TEC: variants seen among roughly 807,000 people sequenced by gnomAD.
The protein encoded by TEC is tec protein tyrosine kinase, also known as tyrosine-protein kinase Tec.
Under a neutral mutation model 93.0 loss-of-function variants are expected in TEC, and 72 were observed. The ratio of observed to expected loss-of-function variants is 0.77; its 90% CI spans 0.64 to 0.94. TEC has a LOEUF of 0.94. Among genes scored for constraint, TEC ranks in the 40% least tolerant of loss-of-function variants. TEC has a pLI of 0.00. For missense variants in TEC, 630 were observed against 757.9 expected, an observed-to-expected ratio of 0.83 and a Z score of 1.98; for synonymous variants, 249 against 247.7, an observed-to-expected ratio of 1.01 and a Z score of -0.05.
chr4:48,188,810 A>T (rs1721988737), intron 2 of TEC, among the ~76,000 whole-genome samples: 1 of 152,204 alleles, frequency 6.6e-6, no homozygotes, highest in Non-Finnish European at 1.5e-5. Flanking sequence ...CTTTAAAGAA[A>T]ATGTTTTCTT....
intron 5 of TEC, among the ~76,000 whole-genome samples, chr4:48,169,365 AC>A (rs1721009848): frequency 6.6e-6 from 1 of 151,810 alleles, no homozygotes; most frequent in South Asian, 2.1e-4. Context: ...CTAATACCAA[AC>A]CTTAAGACAT....
At chr4:48,163,367 C>T (rs1188460782) in intron 8 of TEC, among the ~76,000 whole-genome samples, 1 of 152,162 alleles carries the variant, frequency 6.6e-6, no homozygotes, top group Non-Finnish European at 1.5e-5. Flanking sequence ...AACATTTCCA[C>T]TCTGGAAACT....
rs1246771199 is a variant in TEC, at chr4:48,225,793, G to A, written c.138+2684C>T. Among the ~76,000 whole-genome samples, 9 of 151,794 alleles carry A rather than the reference G, an allele frequency of 5.9e-5. No individual in the cohort carries two copies. In the East Asian group the frequency reaches 1.2e-3, roughly 20 times the overall value. ...TCTGTGACCACATTTCAAGGCATAG[G>A]TCACAAGTATGCCAGTGAATGTTGG... On this transcript the variant is annotated intron_variant, in intron 2 of 17. Transcript: ENST00000381501.
At position 48,262,201 on chromosome 4, in the gene TEC, C is replaced by CTTTTTTTTTTTTTTTTTTTT. The variant is rs10659576; in HGVS notation, c.-46+7550_-46+7551insAAAAAAAAAAAAAAAAAAAA. Among the ~76,000 whole-genome samples, 172 of 80,194 alleles carry CTTTTTTTTTTTTTTTTTTTT rather than the reference C, an allele frequency of 2.1e-3. 33 individuals carry two copies. Among genetic ancestry groups the CTTTTTTTTTTTTTTTTTTTT allele is most frequent in the East Asian group, 4.4e-3 (9 of 2,054 alleles). The allele number at this position is 80,194 out of a possible 152,430, so 52.6% of individuals were successfully genotyped here. ...CTTGGGTAATTGTGACCAAATGTCT[C>CTTTTTTTTTTTTTTTTTTTT]TTTTTTTTTTTTTGAGACGGAGTCT... is the stretch of plus-strand genomic sequence containing the variant. On this transcript the variant is annotated intron_variant, in intron 1 of 17. Transcript: ENST00000381501.
chr4:48,246,831 A>T (rs936206154), intron 1 of TEC, among the ~76,000 whole-genome samples: 26 of 152,320 alleles, frequency 1.7e-4, no homozygotes, highest in Middle Eastern at 3.4e-3. Context: ...AATTTTCATG[A>T]CCTTAGATTA....
At chr4:48,269,101 G>A (rs1724714335) in intron 1 of TEC, among the ~76,000 whole-genome samples, 1 of 152,116 alleles carries the variant, frequency 6.6e-6, no homozygotes, top group South Asian at 2.1e-4. Flanking sequence ...GGGGCGAGGT[G>A]GGCGGGGTAT....
At chr4:48,193,032 C>CAATG (rs1346198576) in intron 2 of TEC, among the ~76,000 whole-genome samples, 1 of 152,058 alleles carries the variant, frequency 6.6e-6, no homozygotes, top group African/African-American at 2.4e-5. Flanking sequence ...TTGAATAAGT[C>CAATG]AATGAATGAA....
In TEC at chr4:48,229,354, C is replaced by T. The variant is rs188165395; in HGVS notation, c.-45-695G>A. On this transcript the variant is annotated intron_variant, in intron 1 of 17. Coordinates refer to ENST00000381501, the MANE Select transcript of TEC (RefSeq NM_003215.3). Reference sequence around the variant, plus strand: ...GCCCTTTAACTCCAGACTATTCATACCTAGACTGAGCCTTTTAAAATTCAA... The same window carrying T: ...GCCCTTTAACTCCAGACTATTCATATCTAGACTGAGCCTTTTAAAATTCAA... 1.1e-3 allele frequency among the ~76,000 whole-genome samples: 167 copies of T among 152,340 alleles called. 2 individuals carry two copies. The highest frequency in any genetic ancestry group is 6.0e-4 in the Non-Finnish European group (41 of 68,038).
At chr4:48,212,110 A>AATATATATATAT (rs1553892127) in intron 2 of TEC, among the ~76,000 whole-genome samples, 3 of 122,266 alleles carry the variant, frequency 2.5e-5, no homozygotes, top group African/African-American at 8.9e-5. Context: ...AAAAAAAAAA[A>AATATATATATAT]ATATATATAT....
At chr4:48,239,109 T>G (rs1164552999) in intron 1 of TEC, among the ~76,000 whole-genome samples, 1 of 152,100 alleles carries the variant, frequency 6.6e-6, no homozygotes, top group Non-Finnish European at 1.5e-5. Context: ...TTGCAAAAAC[T>G]GGTAAAACTT....
chr4:48,188,618 GTA>G (rs2109578756), intron 2 of TEC, among the ~76,000 whole-genome samples: 1 of 152,146 alleles, frequency 6.6e-6, no homozygotes, highest in East Asian at 1.9e-4. Context: ...ATGTATGTAT[GTA>G]TGCTATACAT....
At chr4:48,253,896 T>C (rs1232546497) in intron 1 of TEC, among the ~76,000 whole-genome samples, 1 of 152,092 alleles carries the variant, frequency 6.6e-6, no homozygotes, top group East Asian at 1.9e-4. Context: ...CAATTTAATC[T>C]GAGTTCCCTT....
intron 7 of TEC, 93 bp downstream of exon 7, chr4:48,167,684 CT>C: frequency 8.5e-7 from 1 of 1,174,786 alleles, no homozygotes; most frequent in Non-Finnish European, 1.2e-6. Context: ...TGAAATTAGT[CT>C]CATTACACGA....
At chr4:48,157,373 T>C (rs1260444391) in intron 8 of TEC, among the ~76,000 whole-genome samples, 1 of 152,120 alleles carries the variant, frequency 6.6e-6, no homozygotes, top group Non-Finnish European at 1.5e-5. Flanking sequence ...TCTTCAGACT[T>C]ACTGGTTTCC....
intron 2 of TEC, among the ~76,000 whole-genome samples, chr4:48,177,629 A>G (rs548283345): frequency 1.3e-5 from 2 of 152,168 alleles, no homozygotes; most frequent in East Asian, 3.9e-4. Flanking sequence ...ATCCCCCAAC[A>G]TATGCACACA....
In TEC at chr4:48,167,973, T is replaced by C; in HGVS notation, c.496-20A>G. 6.2e-7 allele frequency: 1 copy of C among 1,611,844 alleles called. No individual in the cohort carries two copies. Among genetic ancestry groups the C allele is most frequent in the Non-Finnish European group, 8.5e-7 (1 of 1,178,540 alleles). The stretch of plus-strand genomic sequence containing the variant: ...CCTTCGCTAGACAAGGAAGATAACA[T>C]TTGAAAGTTTAGTCTTCTATATGAA... On this transcript the variant is annotated intron_variant, in intron 6 of 17. Transcript: ENST00000381501.
chr4:48,248,759 C>T (rs771215528), intron 1 of TEC, among the ~76,000 whole-genome samples: 5 of 152,264 alleles, frequency 3.3e-5, no homozygotes, highest in South Asian at 2.1e-4. Flanking sequence ...CAGGTTCACA[C>T]GCCTCCAGTA....
chr4:48,254,056 G>T (rs1241755864), intron 1 of TEC, among the ~76,000 whole-genome samples: 1 of 152,044 alleles, frequency 6.6e-6, no homozygotes, highest in Non-Finnish European at 1.5e-5. Context: ...TCAAGGTCCT[G>T]ATCATACGTA....
At chr4:48,234,169 T>C (rs1435438085) in intron 1 of TEC, among the ~76,000 whole-genome samples, 2 of 152,204 alleles carry the variant, frequency 1.3e-5, no homozygotes, top group South Asian at 2.1e-4. Flanking sequence ...GAAAGTGATT[T>C]CTAATCAAAA....
Sources: allele counts gnomAD v4.1 joint callset (sites outside exome capture counted in the v4.1 genomes callset), GRCh38; gene constraint gnomAD v4.1.1; transcripts MANE v1.5; gene names NCBI Gene and HGNC (gene_info 2026-07-23, HGNC 2026-07-21).